KLF8: variants seen among roughly 807,000 people sequenced by gnomAD.
KLF8 encodes the protein Krueppel-like factor 8.
In KLF8, 10 loss-of-function variants were observed where a neutral mutation model predicts 18.2. That is an observed-to-expected ratio of 0.55 (90% CI 0.34 to 0.93). The LOEUF (loss-of-function observed/expected upper bound fraction) is 0.93. Among genes scored for constraint, KLF8 ranks in the 40% least tolerant of loss-of-function variants. The pLI is 0.02. For synonymous variants in KLF8, 109 were observed against 97.3 expected (o/e 1.12, Z -0.71); for missense variants, 264 against 277.9 (o/e 0.95, Z 0.36).
chrX:56,054,305 G>T, the KLF8 span, among the ~76,000 whole-genome samples: 2 of 110,663 alleles, frequency 1.8e-5, no homozygotes, highest in Non-Finnish European at 3.8e-5. Context: ...TAATTAGTCT[G>T]AACAAACTTT....
At chrX:56,070,635 G>A in the KLF8 span, among the ~76,000 whole-genome samples, 1 of 110,761 alleles carries the variant, frequency 9.0e-6, no homozygotes, top group Admixed American at 9.6e-5. Flanking sequence ...ACCCAGGGAG[G>A]GGAATAACAC....
the KLF8 span, among the ~76,000 whole-genome samples, chrX:56,182,959 A>C: frequency 8.9e-6 from 1 of 112,201 alleles, no homozygotes; most frequent in Non-Finnish European, 1.9e-5. Context: ...CTCAGATCTC[A>C]AACTCCATGC....
chrX:56,079,896 T>C, the KLF8 span, among the ~76,000 whole-genome samples: 1 of 111,744 alleles, frequency 8.9e-6, no homozygotes, highest in Non-Finnish European at 1.9e-5. Context: ...TCTTTACCAT[T>C]ATGTGATGGC....
chrX:56,039,303 G>T, the KLF8 span, among the ~76,000 whole-genome samples: 2 of 111,631 alleles, frequency 1.8e-5, no homozygotes, highest in African/African-American at 6.5e-5. Context: ...GTCCTAAATG[G>T]TATTGCCTAG....
the KLF8 span, among the ~76,000 whole-genome samples, chrX:56,219,362 A>T: frequency 1.1e-4 from 12 of 110,814 alleles, no homozygotes; most frequent in African/African-American, 6.6e-5. Context: ...ATTAGTGGCC[A>T]ATTATGACAG....
At chrX:56,049,233 C>A in the KLF8 span, among the ~76,000 whole-genome samples, 1 of 111,426 alleles carries the variant, frequency 9.0e-6, no homozygotes, top group South Asian at 3.8e-4. Flanking sequence ...TTGACTTCCT[C>A]TTTTCCTAAC....
the KLF8 span, among the ~76,000 whole-genome samples, chrX:56,179,306 G>A: frequency 8.9e-6 from 1 of 111,907 alleles, no homozygotes; most frequent in African/African-American, 3.2e-5. Context: ...TGTTATTGGT[G>A]TATAGGAATG....
At chrX:56,061,986 C>CTTTTT in the KLF8 span, among the ~76,000 whole-genome samples, 43 of 57,110 alleles carry the variant, frequency 7.5e-4, 2 homozygotes, top group African/African-American at 4.7e-3. Flanking sequence ...GCAACCCCTG[C>CTTTTT]TTTTTTTTTT....
chrX:56,015,386 T>C, the KLF8 span, among the ~76,000 whole-genome samples: 1 of 112,012 alleles, frequency 8.9e-6, no homozygotes, highest in Non-Finnish European at 1.9e-5. Flanking sequence ...CCATTTATAT[T>C]GTTTTCCAAC....
the KLF8 span, among the ~76,000 whole-genome samples, chrX:56,224,398 T>G: frequency 8.9e-6 from 1 of 111,970 alleles, no homozygotes; most frequent in Admixed American, 9.5e-5. Context: ...AGAAGTATAA[T>G]AAAGGAAATA....
At chrX:56,079,017 C>T in the KLF8 span, among the ~76,000 whole-genome samples, 2 of 111,067 alleles carry the variant, frequency 1.8e-5, no homozygotes, top group African/African-American at 6.5e-5. Flanking sequence ...ATCACGTCTA[C>T]TTGATTCTTC....
the KLF8 span, among the ~76,000 whole-genome samples, chrX:56,174,316 AT>A: frequency 7.2e-5 from 8 of 111,734 alleles, no homozygotes; most frequent in African/African-American, 2.3e-4. Context: ...GCATTGTTGA[AT>A]TTTGTCAAAG....
the KLF8 span, among the ~76,000 whole-genome samples, chrX:56,011,805 C>G: frequency 9.0e-6 from 1 of 111,711 alleles, no homozygotes; most frequent in African/African-American, 3.3e-5. Flanking sequence ...ATACAAACGA[C>G]CATCAGAGAG....
chrX:55,924,730 T>C, the KLF8 span, among the ~76,000 whole-genome samples: 1 of 110,335 alleles, frequency 9.1e-6, no homozygotes, highest in Non-Finnish European at 1.9e-5. Context: ...TGAAAGCACA[T>C]GTGAAAATCA....
chrX:55,954,433 G>T, the KLF8 span, among the ~76,000 whole-genome samples: 1 of 111,582 alleles, frequency 9.0e-6, no homozygotes, highest in Non-Finnish European at 1.9e-5. Context: ...ATGACCATAT[G>T]AGAGAAAGCC....
chrX:56,129,696 C>A, the KLF8 span, among the ~76,000 whole-genome samples: 652 of 111,039 alleles, frequency 5.9e-3, 2 homozygotes, highest in Non-Finnish European at 9.4e-3. Flanking sequence ...GGGCATAAAT[C>A]CAGTGCGCAG....
At chrX:56,133,517 A>G in the KLF8 span, among the ~76,000 whole-genome samples, 1 of 111,805 alleles carries the variant, frequency 8.9e-6, no homozygotes, top group African/African-American at 3.3e-5. Flanking sequence ...ACATGCCTCA[A>G]TGTAATAAAG....
chrX:55,914,423 T>G, the KLF8 span, among the ~76,000 whole-genome samples: 1 of 111,922 alleles, frequency 8.9e-6, no homozygotes, highest in Non-Finnish European at 1.9e-5. Flanking sequence ...CTTGATTACT[T>G]AATATATGCC....
the KLF8 span, among the ~76,000 whole-genome samples, chrX:56,066,207 G>C: frequency 8.9e-6 from 1 of 112,247 alleles, no homozygotes; most frequent in African/African-American, 3.2e-5. Flanking sequence ...GTTTGTGTGG[G>C]TGGGTGCCAG....
Sources: allele counts gnomAD v4.1 joint callset (sites outside exome capture counted in the v4.1 genomes callset), GRCh38; gene constraint gnomAD v4.1.1; transcripts MANE v1.5; gene names NCBI Gene and HGNC (gene_info 2026-07-23, HGNC 2026-07-21).